FMNL1: variants seen among roughly 807,000 people sequenced by gnomAD.
FMNL1 encodes formin-like protein 1.
FMNL1 carries 43 observed loss-of-function variants against 121.3 expected under a neutral mutation model. The ratio of observed to expected loss-of-function variants is 0.35; its 90% CI spans 0.28 to 0.46. The LOEUF is 0.46. Among genes scored for constraint, FMNL1 ranks in the 20% least tolerant of loss-of-function variants. The pLI, the probability that FMNL1 is intolerant of heterozygous loss-of-function variation, is 1.00. For missense variants in FMNL1, 1,191 were observed against 1,482.4 expected, an observed-to-expected ratio of 0.80 and a Z score of 3.23; for synonymous variants, 613 against 613.5, an observed-to-expected ratio of 1.00 and a Z score of 0.01.
Position 45,245,294 on chromosome 17 carries a change from C to A in FMNL1, c.2770C>A (p.Arg924=), listed in dbSNP as rs2043803764. ...SVLADVRSLQ[R]GLELTQREFV... is the part of the protein sequence containing the mutation. ...CCTGGCGGACGTGCGCTCCCTGCAG[C>A]GAGGCCTAGAGTTGACACAGAGAGA... is the stretch of plus-strand genomic sequence containing the variant. Residue 924 remains arginine, a synonymous_variant, in exon 22 of 27, where the codon CGA becomes AGA. Coordinates refer to ENST00000331495, the MANE Select transcript of FMNL1 (RefSeq NM_005892.4). The A allele has an allele frequency of 6.2e-7, 1 of 1,614,074 alleles. No individual in the cohort carries two copies. The highest frequency in any genetic ancestry group is 1.1e-5 in the South Asian group (1 of 91,088).
At chr17:45,225,800 G>C (rs1345216747) in intron 1 of FMNL1, among the ~76,000 whole-genome samples, 9 of 152,102 alleles carry the variant, frequency 5.9e-5, no homozygotes, top group African/African-American at 2.2e-4. Context: ...GCATGGCCCT[G>C]GACAAGTTAC....
At chr17:45,232,836 A>T in intron 3 of FMNL1, 1 of 567,006 alleles carries the variant, frequency 1.8e-6, no homozygotes, top group East Asian at 4.0e-5. Context: ...TCTAGGAGAG[A>T]GAGAGAATGT....
rs1598187814 is a variant in FMNL1, at chr17:45,231,925, T to C, written c.214-442T>C. Among the ~76,000 whole-genome samples, 1 of 152,150 alleles carries C rather than the reference T, an allele frequency of 6.6e-6. No individual in the cohort carries two copies. Among genetic ancestry groups the C allele is most frequent in the South Asian group, 2.1e-4 (1 of 4,828 alleles). On this transcript the variant is annotated intron_variant, in intron 2 of 26. Transcript: ENST00000331495. The surrounding 1 kb of genome is among the most constrained non-coding windows in gnomAD (Gnocchi z 4.7). ...CGGGGCCTACGGCAGGACTGACCCC[T>C]GCATAGTCCACCCCAAAGCTGTGTC...
intron 1 of FMNL1, among the ~76,000 whole-genome samples, chr17:45,225,290 C>G (rs773075040): frequency 1.3e-5 from 2 of 152,188 alleles, no homozygotes; most frequent in Non-Finnish European, 2.9e-5. Context: ...CAGCTGGGGC[C>G]CTTCCCTTCT....
At position 45,247,289 on chromosome 17, in the gene FMNL1, T is replaced by C; in HGVS notation, c.*431T>C. 3.0e-6 allele frequency: 1 copy of C among 338,784 alleles called. No individual in the cohort carries two copies. Among genetic ancestry groups the C allele is most frequent in the South Asian group, 1.0e-4 (1 of 9,958 alleles). 21.0% of individuals were successfully genotyped at this position (338,784 alleles called of 1,614,324 possible). On this transcript the variant is annotated 3_prime_UTR_variant, in exon 27 of 27. Transcript: ENST00000331495. The stretch of plus-strand genomic sequence containing the variant: ...GAGGACCGTCCATGGACCTTATTTT[T>C]ATATGAGATTAATAAAGATGTTTGC...
In FMNL1 at chr17:45,241,582, G is replaced by A. The variant is rs1204663571; in HGVS notation, c.1533G>A (p.Pro511=). 7 of 1,558,266 alleles carry A rather than the reference G, an allele frequency of 4.5e-6. No homozygotes were observed. Among genetic ancestry groups the A allele is most frequent in the Non-Finnish European group, 6.1e-6 (7 of 1,150,418 alleles). ...TCCTCCCCGTCGCTGTGGCAACTCC[G>A]AGCGGCGGTGATGCTCCGACTCCGG... ...IEILPVAVAT[P]SGGDAPTPGV... Residue 511 remains proline (P), a synonymous_variant, in exon 14 of 27, where the codon CCG becomes CCA. Coordinates refer to ENST00000331495, the MANE Select transcript of FMNL1 (RefSeq NM_005892.4). The surrounding 1 kb of genome is among the most constrained non-coding windows in gnomAD (Gnocchi z 7.0).
chr17:45,240,519 A>T lies in FMNL1; in HGVS notation c.1124A>T (p.Gln375Leu). ...TESDKLQVQI[Q>L]AYLDNIFDVG... ...AGTGACAAGCTGCAGGTGCAGATCC[A>T]GGCGTACCTGGACAATATTTTTGAT... The change falls in exon 12 of 27, where the codon CAG becomes CTG. Residue 375 changes from glutamine to leucine, a missense_variant. By Grantham distance (113) the Gln-to-Leu change is moderately radical. Transcript: ENST00000331495. 6.2e-7 allele frequency: 1 copy of T among 1,613,554 alleles called. No individual in the cohort carries two copies. Among genetic ancestry groups the T allele is most frequent in the Non-Finnish European group, 8.5e-7 (1 of 1,179,844 alleles).
rs1218766581 is a variant in FMNL1, at chr17:45,238,761, A to G, written c.969+123A>G. On this transcript the variant is annotated intron_variant, in intron 10 of 26. Transcript: ENST00000331495. ...CGCAAAGCGTAAGGACTGAGTGGTCAGTAGGGGAAGGGTGGATGTTGGCAG... is the reference window on the plus strand; with the variant it reads ...CGCAAAGCGTAAGGACTGAGTGGTCGGTAGGGGAAGGGTGGATGTTGGCAG... The G allele has an allele frequency of 7.0e-6, 9 of 1,293,516 alleles. No homozygotes were observed. In the South Asian group the frequency reaches 1.2e-4, roughly 17 times the overall value. 80.1% of individuals were successfully genotyped at this position (1,293,516 alleles called of 1,614,324 possible). A position where few individuals can be genotyped will look rare whatever the true frequency, so the allele number is the denominator to read the frequency against.
intron 3 of FMNL1, chr17:45,232,874 T>C (rs1199334019): frequency 1.3e-5 from 7 of 552,040 alleles, no homozygotes; most frequent in Non-Finnish European, 2.4e-5. Flanking sequence ...TGTATGGATG[T>C]GTGGATATTC....
Sources: gnomAD v4.1 joint callset for allele counts (sites outside exome capture counted in the v4.1 genomes callset) on GRCh38, gnomAD v4.1.1 for gene constraint, Gnocchi (gnomAD v3.1) non-coding constraint, MANE v1.5 for transcripts, NCBI Gene and HGNC (gene_info 2026-07-23, HGNC 2026-07-21) for gene names.